FUT8: variants seen among roughly 807,000 people sequenced by gnomAD.
FUT8 encodes the protein fucosyltransferase 8.
In FUT8, 29 loss-of-function variants were observed where a neutral mutation model predicts 71.3. The observed-to-expected ratio is 0.41, with a 90% CI of 0.30 to 0.55. FUT8 has a LOEUF of 0.55. Ranked by LOEUF, FUT8 falls within the 20% of genes least tolerant of loss-of-function variation. The probability of loss-of-function intolerance (pLI) is 0.34; values close to 1 mark genes in which losing one functional copy is unlikely to be tolerated. For missense variants in FUT8, 544 were observed against 702.1 expected (o/e 0.77, Z 2.55); for synonymous variants, 254 against 239.3 (o/e 1.06, Z -0.57).
intron 2 of FUT8, among the ~76,000 whole-genome samples, chr14:65,476,491 G>A (rs890121588): frequency 9.2e-5 from 14 of 152,160 alleles, no homozygotes; most frequent in Admixed American, 7.9e-4. Context: ...ATTTTGCTTA[G>A]TGTGTTAAGT....
intron 2 of FUT8, among the ~76,000 whole-genome samples, chr14:65,556,822 G>T (rs1778482096): frequency 6.6e-6 from 1 of 152,162 alleles, no homozygotes; most frequent in African/African-American, 2.4e-5. Flanking sequence ...GTATGCTGAG[G>T]TGCCTCACCA....
intron 7 of FUT8, among the ~76,000 whole-genome samples, chr14:65,714,093 T>G (rs1825647329): frequency 6.6e-6 from 1 of 152,202 alleles, no homozygotes; most frequent in Admixed American, 6.5e-5. Flanking sequence ...CATATGGATA[T>G]CCAGTTTTCC....
chr14:65,366,929 A>G, the FUT8 span, among the ~76,000 whole-genome samples: 1 of 152,252 alleles, frequency 6.6e-6, no homozygotes, highest in African/African-American at 2.4e-5. Context: ...GACATGTGCC[A>G]GAGACTACTG....
intron 6 of FUT8, among the ~76,000 whole-genome samples, chr14:65,632,471 C>G (rs961017358): frequency 2.0e-5 from 3 of 152,114 alleles, no homozygotes; most frequent in Admixed American, 6.5e-5. Context: ...TTTCCCTGAT[C>G]ATTAGTGATG....
At chr14:65,692,432 C>A (rs1301405463) in intron 7 of FUT8, among the ~76,000 whole-genome samples, 1 of 114,272 alleles carries the variant, frequency 8.8e-6, no homozygotes, top group East Asian at 2.8e-4. Context: ...CCCTCCCGGA[C>A]GGGGCGGCTG....
At chr14:65,739,707 A>G (rs17102899) in intron 10 of FUT8, among the ~76,000 whole-genome samples, 3,851 of 152,122 alleles carry the variant, frequency 0.025, 155 homozygotes, top group African/African-American at 0.088. Flanking sequence ...GTCTTATGCT[A>G]TATCTTTCTG....
At position 65,660,099 on chromosome 14, in the gene FUT8, G is replaced by A. The variant is rs765435000; in HGVS notation, c.598-9144G>A. ...TTTTATTTACATTATATTCTTGAATGAGAATATGCATCATTAATTATCTGC... is the reference window on the plus strand; with the variant it reads ...TTTTATTTACATTATATTCTTGAATAAGAATATGCATCATTAATTATCTGC... On this transcript the variant is annotated intron_variant, in intron 6 of 10. Coordinates refer to ENST00000673929, the MANE Select transcript of FUT8 (RefSeq NM_001371533.1). This position sits in a 1 kb window ranked among gnomAD's most constrained non-coding sequence, Gnocchi z 4.1. Among the ~76,000 whole-genome samples, 2 of 152,118 alleles carry A rather than the reference G, an allele frequency of 1.3e-5. No homozygotes were observed. Among genetic ancestry groups the A allele is most frequent in the Non-Finnish European group, 2.9e-5 (2 of 67,996 alleles).
At chr14:65,570,508 T>A (rs1886412457) in intron 3 of FUT8, among the ~76,000 whole-genome samples, 1 of 151,978 alleles carries the variant, frequency 6.6e-6, no homozygotes, top group African/African-American at 2.4e-5. Context: ...TATAACTACA[T>A]ATACTCCTAC....
chr14:65,721,619 G>C (rs538410982), intron 7 of FUT8, among the ~76,000 whole-genome samples, 156 bp from the exon 8 acceptor site: 1 of 152,112 alleles, frequency 6.6e-6, no homozygotes, highest in South Asian at 2.1e-4. Flanking sequence ...TTTTGCTCTG[G>C]TATTTCGAGC....
intron 5 of FUT8, among the ~76,000 whole-genome samples, chr14:65,624,465 G>T (rs1889789614): frequency 6.6e-6 from 1 of 152,140 alleles, no homozygotes; most frequent in African/African-American, 2.4e-5. Context: ...ATTCACAATG[G>T]TAAAGGAATG....
intron 6 of FUT8, among the ~76,000 whole-genome samples, chr14:65,639,474 G>A (rs1890726267): frequency 6.6e-6 from 1 of 150,774 alleles, no homozygotes; most frequent in South Asian, 2.1e-4. Context: ...AAGTCTAGTA[G>A]CTTAAACTTC....
the FUT8 span, among the ~76,000 whole-genome samples, chr14:65,369,363 GTGTC>G: frequency 6.6e-6 from 1 of 152,214 alleles, no homozygotes; most frequent in African/African-American, 2.4e-5. The surrounding 1 kb of genome is among the most constrained non-coding windows in gnomAD (Gnocchi z 4.6). Context: ...TTTCGAGATT[GTGTC>G]TCTGCCGACT....
chr14:65,493,524 C>A (rs2066514370), intron 2 of FUT8, among the ~76,000 whole-genome samples: 1 of 152,110 alleles, frequency 6.6e-6, no homozygotes, highest in South Asian at 2.1e-4. Flanking sequence ...TAATTCTTAG[C>A]ACTGAAGTCT....
intron 3 of FUT8, among the ~76,000 whole-genome samples, chr14:65,611,202 C>T (rs1372886820): frequency 0.26 from 623 of 2,400 alleles, 99 homozygotes; most frequent in African/African-American, 0.32. Context: ...CACACACGCG[C>T]GCGCGCGCGC....
At chr14:65,611,219 GCGCGCACACACA>G (rs1888929215) in intron 3 of FUT8, among the ~76,000 whole-genome samples, 1 of 3,028 alleles carries the variant, frequency 3.3e-4, no homozygotes, top group African/African-American at 5.1e-4. Context: ...GCGCGCGCGC[GCGCGCACACACA>G]CACACACACA....
chr14:65,491,287 G>A (rs949011669), intron 2 of FUT8, among the ~76,000 whole-genome samples: 2 of 152,132 alleles, frequency 1.3e-5, no homozygotes, highest in Admixed American at 6.5e-5. Flanking sequence ...ATTCAGAGAA[G>A]TGCAGTGAAT....
Position 65,689,052 on chromosome 14 carries a change from T to C in FUT8, c.835+19572T>C, listed in dbSNP as rs199719794. Among the ~76,000 whole-genome samples the C allele has an allele frequency of 2.0e-5, 3 of 152,306 alleles. No individual in the cohort carries two copies. The East Asian group carries it at 5.8e-4, about 29-fold the overall frequency. On this transcript the variant is annotated intron_variant, in intron 7 of 10. Coordinates refer to ENST00000673929, the MANE Select transcript of FUT8 (RefSeq NM_001371533.1). ...CACTGGAAGTTAGGACTTCAACATA[T>C]GAATTTGAGGGGAGAGGAGGGACTC... is the stretch of plus-strand genomic sequence containing the variant.
chr14:65,566,412 T>C (rs2140062570), intron 3 of FUT8, among the ~76,000 whole-genome samples: 1 of 152,122 alleles, frequency 6.6e-6, no homozygotes, highest in Non-Finnish European at 1.5e-5. Flanking sequence ...TAACCTACCG[T>C]TCTCACCACA....
At chr14:65,392,020 C>A in the FUT8 span, among the ~76,000 whole-genome samples, 20,383 of 152,086 alleles carry the variant, frequency 0.13, 1,997 homozygotes, top group East Asian at 0.54. Flanking sequence ...GCAACCTCCA[C>A]CTCCCATGTT....
Sources: gnomAD v4.1 joint callset for allele counts (sites outside exome capture counted in the v4.1 genomes callset) on GRCh38, gnomAD v4.1.1 for gene constraint, Gnocchi (gnomAD v3.1) non-coding constraint, MANE v1.5 for transcripts, NCBI Gene and HGNC (gene_info 2026-07-23, HGNC 2026-07-21) for gene names.